Variants in MKLN1 observed in about 807,000 individuals in gnomAD.
MKLN1 encodes muskelin.
In MKLN1, 18 loss-of-function variants were observed where a neutral mutation model predicts 99.0. The ratio of observed to expected loss-of-function variants is 0.18; its 90% CI spans 0.13 to 0.27. MKLN1 has a LOEUF of 0.27. Ranked by LOEUF, MKLN1 falls within the 10% of genes least tolerant of loss-of-function variation. The probability of loss-of-function intolerance (pLI) is 1.00; values close to 1 mark genes in which losing one functional copy is unlikely to be tolerated. For missense variants in MKLN1, 621 were observed against 875.9 expected, an observed-to-expected ratio of 0.71 and a Z score of 3.67; for synonymous variants, 288 against 293.2, an observed-to-expected ratio of 0.98 and a Z score of 0.18.
At chr7:131,473,631 G>A (rs1320070235) in intron 16 of MKLN1, among the ~76,000 whole-genome samples, 1 of 152,130 alleles carries the variant, frequency 6.6e-6, no homozygotes, top group Non-Finnish European at 1.5e-5. Context: ...TAAGTTTTCA[G>A]CTACAATAAC....
At chr7:131,393,240 T>C (rs1794259046) in intron 4 of MKLN1, among the ~76,000 whole-genome samples, 1 of 152,220 alleles carries the variant, frequency 6.6e-6, no homozygotes, top group Non-Finnish European at 1.5e-5. Flanking sequence ...AATTCTTTTA[T>C]TTGATGAGGG....
At chr7:131,395,596 G>A (rs1438725773) in intron 4 of MKLN1, among the ~76,000 whole-genome samples, 1 of 151,564 alleles carries the variant, frequency 6.6e-6, no homozygotes, top group Non-Finnish European at 1.5e-5. Flanking sequence ...CAAGGTGCTA[G>A]CAGTTTTACA....
chr7:131,227,302 C>A (rs1353511391), intron 3 of MKLN1, among the ~76,000 whole-genome samples: 1 of 152,194 alleles, frequency 6.6e-6, no homozygotes, highest in Non-Finnish European at 1.5e-5. Flanking sequence ...AGACAATCCC[C>A]TTTATGATAA....
chr7:131,323,729 G>A (rs1333497023), upstream of MKLN1: 3 of 152,170 alleles, frequency 2.0e-5, no homozygotes, highest in Non-Finnish European at 4.4e-5. Flanking sequence ...TAGGATCAAA[G>A]TGTGGCATGT....
At chr7:131,346,308 A>T (rs1236491899) in intron 1 of MKLN1, among the ~76,000 whole-genome samples, 1 of 152,188 alleles carries the variant, frequency 6.6e-6, no homozygotes, top group African/African-American at 2.4e-5. Flanking sequence ...GGATCACTTG[A>T]GGCTAGGAGT....
intron 1 of MKLN1, among the ~76,000 whole-genome samples, chr7:131,339,069 G>A (rs969969395): frequency 4.6e-5 from 7 of 152,134 alleles, no homozygotes; most frequent in Non-Finnish European, 8.8e-5. Context: ...TGTCATACAC[G>A]TAACACATGA....
At chr7:131,460,093 T>C (rs1187352929) in intron 12 of MKLN1, among the ~76,000 whole-genome samples, 1 of 152,200 alleles carries the variant, frequency 6.6e-6, no homozygotes, top group Non-Finnish European at 1.5e-5. Flanking sequence ...TCATAGTCCC[T>C]GCTCCTTTTT....
rs533235354 is a variant in MKLN1 at position 131,308,644 on chromosome 7, G to A, written c.-178-66780G>A. Among the ~76,000 whole-genome samples the A allele has an allele frequency of 2.8e-3, 425 of 151,464 alleles. 5 individuals are homozygous for A. The highest frequency in any genetic ancestry group is 0.014 in the Middle Eastern group (4 of 294). ...CCTTTTGCCCAGGCTGTAGTGCAAT[G>A]GCATGATCTCAGCTCACCGCAACGT... On this transcript the variant is annotated intron_variant, in intron 3 of 7. Coordinates refer to the MKLN1 transcript ENST00000416992.
intron 12 of MKLN1, among the ~76,000 whole-genome samples, chr7:131,458,142 A>C (rs1240175708): frequency 6.6e-6 from 1 of 152,202 alleles, no homozygotes; most frequent in East Asian, 1.9e-4. Flanking sequence ...AGGGAACAAG[A>C]AGATAGACAT....
At chr7:131,376,134 ATG>A (rs1254191272) in intron 2 of MKLN1, among the ~76,000 whole-genome samples, 48 of 2,602 alleles carry the variant, frequency 0.018, no homozygotes, top group Non-Finnish European at 0.032. Context: ...ATATATATAT[ATG>A]TATGATGTAT....
At chr7:131,143,188 G>A (rs993258613) in intron 2 of MKLN1, among the ~76,000 whole-genome samples, 2 of 152,072 alleles carry the variant, frequency 1.3e-5, no homozygotes, top group Non-Finnish European at 2.9e-5. Flanking sequence ...AAATTCTTTG[G>A]CTGGGCGCAG....
intron 2 of MKLN1, among the ~76,000 whole-genome samples, chr7:131,160,678 T>G (rs1796034906): frequency 6.9e-6 from 1 of 145,724 alleles, no homozygotes. Flanking sequence ...GCCACCACAC[T>G]GTGCTTTTTT....
chr7:131,426,313 TA>T (rs1426079066), intron 8 of MKLN1, among the ~76,000 whole-genome samples: 20 of 152,184 alleles, frequency 1.3e-4, no homozygotes, highest in Non-Finnish European at 5.9e-5. Flanking sequence ...AGAAACACTA[TA>T]AAACAAAAGG....
intron 3 of MKLN1, among the ~76,000 whole-genome samples, chr7:131,211,315 G>C (rs1563253760): frequency 6.6e-6 from 1 of 152,138 alleles, no homozygotes; most frequent in Non-Finnish European, 1.5e-5. Context: ...ATTATATGCA[G>C]GATGGCTTGG....
intron 3 of MKLN1, among the ~76,000 whole-genome samples, chr7:131,306,533 G>A (rs1798470569): frequency 6.6e-6 from 1 of 152,216 alleles, no homozygotes; most frequent in African/African-American, 2.4e-5. Context: ...AGTCACTCTT[G>A]CTATGCTTTA....
intron 1 of MKLN1, among the ~76,000 whole-genome samples, chr7:131,364,229 T>G (rs1427982616): frequency 2.0e-5 from 3 of 152,168 alleles, no homozygotes; most frequent in Non-Finnish European, 2.9e-5. Flanking sequence ...TTACATGTAC[T>G]TATCCTTTCA....
intron 1 of MKLN1, among the ~76,000 whole-genome samples, chr7:131,356,772 C>T (rs1417809706): frequency 6.6e-6 from 1 of 152,148 alleles, no homozygotes; most frequent in Admixed American, 6.6e-5. Context: ...GTATCCAAAT[C>T]GTGTGCGCCA....
intron 3 of MKLN1, among the ~76,000 whole-genome samples, chr7:131,274,643 C>CAAAA (rs10708074): frequency 2.2e-5 from 2 of 91,628 alleles, no homozygotes; most frequent in Non-Finnish European, 4.5e-5. Flanking sequence ...GACCCTGTCT[C>CAAAA]AAAAAAAAAA....
chr7:131,160,236 G>C (rs1219570844), intron 2 of MKLN1, among the ~76,000 whole-genome samples: 1 of 152,014 alleles, frequency 6.6e-6, no homozygotes, highest in South Asian at 2.1e-4. Context: ...CATCCATATT[G>C]TATCAGTCCT....
Sources: gnomAD v4.1 joint callset for allele counts (sites outside exome capture counted in the v4.1 genomes callset) on GRCh38, gnomAD v4.1.1 for gene constraint, MANE v1.5 for transcripts, NCBI Gene and HGNC (gene_info 2026-07-23, HGNC 2026-07-21) for gene names.